The following TNC variants were observed in gnomAD, a reference collection of about 807,000 sequenced individuals.
TNC encodes tenascin C, also known as tenascin.
TNC carries 109 observed loss-of-function variants against 202.4 expected under a neutral mutation model. The observed-to-expected ratio is 0.54, with a 90% CI of 0.46 to 0.63. The LOEUF is 0.63. Among genes scored for constraint, TNC ranks in the 30% least tolerant of loss-of-function variants. TNC has a pLI of 0.00. For synonymous variants in TNC, 1,007 were observed against 1,089.7 expected (o/e 0.92, Z 1.50); for missense variants, 2,756 against 2,833.3 (o/e 0.97, Z 0.62).
At chr9:115,092,747 G>A (rs911719506) in intron 1 of TNC, among the ~76,000 whole-genome samples, 36 of 116,030 alleles carry the variant, frequency 3.1e-4, no homozygotes, top group Admixed American at 2.7e-4. Flanking sequence ...CTGATTTTTT[G>A]TATTTTTTTT....
chr9:115,029,904 T>C (rs1829819784), intron 24 of TNC, among the ~76,000 whole-genome samples: 1 of 152,218 alleles, frequency 6.6e-6, no homozygotes, highest in South Asian at 2.1e-4. Context: ...CTTAAACTCT[T>C]AGCACAGTGC....
rs115353058 is a variant in TNC at position 115,059,163 on chromosome 9, G to A, written c.4306+567C>T. Among the ~76,000 whole-genome samples, 1,419 of 152,076 alleles carry A rather than the reference G, an allele frequency of 9.3e-3. 23 individuals are homozygous for A. Among genetic ancestry groups the A allele is most frequent in the African/African-American group, 0.032 (1,323 of 41,450 alleles). On this transcript the variant is annotated intron_variant, in intron 14 of 27. Transcript: ENST00000350763. Reference sequence around the variant, plus strand: ...TGGTCTAGCTATTTGCTAATTTGATGTTCTAACAATGACTCAGTATCTGAG... The same window carrying A: ...TGGTCTAGCTATTTGCTAATTTGATATTCTAACAATGACTCAGTATCTGAG...
At chr9:115,027,173 G>A (rs1829567556) in intron 25 of TNC, among the ~76,000 whole-genome samples, 1 of 151,694 alleles carries the variant, frequency 6.6e-6, no homozygotes, top group Admixed American at 6.6e-5. Flanking sequence ...TCAGTCTTGT[G>A]CTTGCTGGAG....
chr9:115,031,827 A>G, intron 22 of TNC, 142 bp from the exon 23 acceptor site: 2 of 1,012,178 alleles, frequency 2.0e-6, no homozygotes, highest in South Asian at 3.5e-5. Context: ...CCCACTCTCT[A>G]CCAGGCTCCA....
chr9:115,108,203 C>G (rs1192352749), intron 1 of TNC, among the ~76,000 whole-genome samples: 1 of 152,164 alleles, frequency 6.6e-6, no homozygotes. Context: ...TCTAGATGAA[C>G]AAGAGCAAAT....
At chr9:115,059,662 C>T (rs998802851) in intron 14 of TNC, 68 bp downstream of exon 14, 16 of 1,467,996 alleles carry the variant, frequency 1.1e-5, no homozygotes, top group Admixed American at 2.2e-5. Flanking sequence ...ATGCTGACTC[C>T]GCGCATGATC....
At position 115,048,484 on chromosome 9, in the gene TNC, T is replaced by G; in HGVS notation, c.4628A>C (p.Tyr1543Ser). Residue 1543 changes from tyrosine (Y) to serine (S), a missense_variant, in exon 16 of 28, where the codon TAC becomes TCC. Around this residue, in one of 2 missense-constraint regions of TNC, gnomAD observed 2,559 missense variants for 2,546.0 expected, o/e 1.01. Transcript: ENST00000350763. ...ENLTISDINP[Y>S]GFTVSWMASE... is the part of the protein sequence containing the mutation. Reference sequence around the variant, plus strand: ...TGCCATCCAGGAAACTGTGAACCCGTAGGGATTAATGTCGGAAATGGTTAG... The same window carrying G: ...TGCCATCCAGGAAACTGTGAACCCGGAGGGATTAATGTCGGAAATGGTTAG... 1 of 1,613,836 alleles carries G rather than the reference T, an allele frequency of 6.2e-7. No individual in the cohort carries two copies. The highest frequency in any genetic ancestry group is 8.5e-7 in the Non-Finnish European group (1 of 1,179,920).
At chr9:115,079,945 G>T (rs1206075719) in intron 6 of TNC, among the ~76,000 whole-genome samples, 3 of 152,222 alleles carry the variant, frequency 2.0e-5, no homozygotes, top group Non-Finnish European at 4.4e-5. Flanking sequence ...AAAGGTTAAA[G>T]GTTTAAAGGT....
rs1260668549 is a variant in TNC, at chr9:115,048,342, T to G, written c.4770A>C (p.Ile1590=). ...CCATAACCTCATAGCCAATGCCAGT[T>G]ATGAGGCCTCTAAGCTCCAGCTTCC... ...TQRKLELRGL[I]TGIGYEVMVS... is the part of the protein sequence containing the mutation. The change falls in exon 16 of 28, where the codon ATA becomes ATC. Residue 1590 remains isoleucine (I), a synonymous_variant. Transcript: ENST00000350763. 6.2e-7 allele frequency: 1 copy of G among 1,614,076 alleles called. No homozygotes were observed. Among genetic ancestry groups the G allele is most frequent in the Admixed American group, 1.7e-5 (1 of 60,004 alleles).
chr9:115,057,801 T>C (rs1218405169), intron 14 of TNC, among the ~76,000 whole-genome samples: 2 of 152,232 alleles, frequency 1.3e-5, no homozygotes, highest in Non-Finnish European at 2.9e-5. Context: ...TCCTGGCAAC[T>C]TCCAGTCTCT....
At chr9:115,042,435 T>G (rs543400325) in intron 17 of TNC, 94 bp from the exon 18 acceptor site, 5 of 1,526,286 alleles carry the variant, frequency 3.3e-6, no homozygotes, top group Non-Finnish European at 4.4e-6. Context: ...GAAAACTCAG[T>G]GCCTAGAATT....
chr9:115,083,602 C>CTT lies in TNC; in HGVS notation c.2131+605_2131+606dup, dbSNP rs34162026. 4.5e-4 allele frequency among the ~76,000 whole-genome samples: 58 copies of CTT among 129,470 alleles called. 1 individual carries two copies. Among genetic ancestry groups the CTT allele is most frequent in the East Asian group, 3.0e-3 (13 of 4,288 alleles). The allele number at this position is 129,470 out of a possible 152,430, so 84.9% of individuals were successfully genotyped here. On this transcript the variant is annotated intron_variant, in intron 4 of 27. Coordinates refer to ENST00000350763, the MANE Select transcript of TNC (RefSeq NM_002160.4). ...TATACTAACTCATATAATGAGGACT[C>CTT]TTTTTTTTTTTTTTTTTTCTTGAGA...
chr9:115,022,930 A>T (rs999171026), intron 27 of TNC, among the ~76,000 whole-genome samples: 1 of 152,110 alleles, frequency 6.6e-6, no homozygotes, highest in Non-Finnish European at 1.5e-5. Context: ...CAAAGTGACT[A>T]ATATTGAAAA....
At chr9:115,033,595 C>T (rs1346720268) in intron 22 of TNC, among the ~76,000 whole-genome samples, 1 of 152,174 alleles carries the variant, frequency 6.6e-6, no homozygotes, top group African/African-American at 2.4e-5. Context: ...GGATTTGCTT[C>T]AGCTCACACA....
chr9:115,084,146 AGGGTTATACACT>A, intron 4 of TNC, 51 bp downstream of exon 4: 4 of 1,549,448 alleles, frequency 2.6e-6, no homozygotes, highest in Non-Finnish European at 3.5e-6. Context: ...GTGGCGAGGG[AGGGTTATACACT>A]GGGTGGGCTG....
intron 1 of TNC, among the ~76,000 whole-genome samples, chr9:115,101,303 C>T (rs1409946582): frequency 1.3e-5 from 2 of 152,192 alleles, no homozygotes; most frequent in Non-Finnish European, 2.9e-5. Flanking sequence ...CTTCTACCTT[C>T]CAGGTTCAAG....
chr9:115,034,451 A>T (rs1830169103), intron 22 of TNC, among the ~76,000 whole-genome samples: 1 of 152,240 alleles, frequency 6.6e-6, no homozygotes, highest in Non-Finnish European at 1.5e-5. Flanking sequence ...CAGAAACCCA[A>T]ACCAAACCAA....
chr9:115,107,590 G>A lies in TNC; in HGVS notation c.-137+10392C>T, dbSNP rs1457315185. Among the ~76,000 whole-genome samples the A allele has an allele frequency of 2.0e-5, 3 of 152,066 alleles. No homozygotes were observed. The East Asian group carries it at 5.8e-4, about 29-fold the overall frequency. On this transcript the variant is annotated intron_variant, in intron 1 of 27. Transcript: ENST00000350763. ...AACCTGGTGAGTTAGGTATTATTATGCTTATTTGAAAATTAATTTGAGACT... is the reference window on the plus strand; with the variant it reads ...AACCTGGTGAGTTAGGTATTATTATACTTATTTGAAAATTAATTTGAGACT...
Position 115,081,834 on chromosome 9 carries a change from A to G in TNC, c.2342T>C (p.Ile781Thr). 6.2e-7 allele frequency: 1 copy of G among 1,610,840 alleles called. No individual in the cohort carries two copies. ...TGLAPGQEYE[I>T]SLHIVKNNTR... ...ATTGTTTTTCACTATGTGCAGAGAT[A>G]TCTCATACTCTTGCCCAGGAGCTAG... Residue 781 changes from isoleucine (I) to threonine (T), a missense_variant, in exon 6 of 28, where the codon ATA (isoleucine) becomes ACA (threonine). Ile to Thr is a moderately conservative substitution (Grantham distance 89, BLOSUM62 -1). Transcript: ENST00000350763.
Sources: allele counts gnomAD v4.1 joint callset (sites outside exome capture counted in the v4.1 genomes callset), GRCh38; gene constraint gnomAD v4.1.1; regional missense constraint gnomAD v4.1.1; transcripts MANE v1.5; gene names NCBI Gene and HGNC (gene_info 2026-07-23, HGNC 2026-07-21).